NGF: variants seen among roughly 807,000 people sequenced by gnomAD.
NGF encodes beta-nerve growth factor.
In NGF, 4 loss-of-function variants were observed where a neutral mutation model predicts 12.8. That is an observed-to-expected ratio of 0.31 (90% confidence interval 0.15 to 0.72). The LOEUF (loss-of-function observed/expected upper bound fraction) is 0.72. Among genes scored for constraint, NGF ranks in the 30% least tolerant of loss-of-function variants. NGF has a pLI of 0.69. For synonymous variants in NGF, 140 were observed against 130.0 expected (o/e 1.08, Z -0.52); for missense variants, 283 against 330.8 (o/e 0.86, Z 1.12).
intron 2 of NGF, among the ~76,000 whole-genome samples, chr1:115,291,421 G>A (rs1653692456): frequency 6.6e-6 from 1 of 152,188 alleles, no homozygotes; most frequent in Non-Finnish European, 1.5e-5. Flanking sequence ...CTGAACAGAT[G>A]ACAGCTTTCT....
chr1:115,329,449 A>G (rs1432727038), intron 1 of NGF, among the ~76,000 whole-genome samples: 1 of 152,198 alleles, frequency 6.6e-6, no homozygotes, highest in East Asian at 1.9e-4. Context: ...CTTCAGAGCC[A>G]TCCGCTGTTC....
intron 1 of NGF, among the ~76,000 whole-genome samples, chr1:115,296,777 T>A (rs2101028941): frequency 6.6e-6 from 1 of 152,348 alleles, no homozygotes; most frequent in Middle Eastern, 3.4e-3. Flanking sequence ...GTTTTTAGTC[T>A]CATGCTGATG....
intron 2 of NGF, among the ~76,000 whole-genome samples, chr1:115,291,235 A>T (rs2300693): frequency 0.77 from 115,959 of 151,328 alleles, 44,443 homozygotes; most frequent in African/African-American, 0.81. Flanking sequence ...TTTTAAGTTT[A>T]AAAAAAAACT....
At chr1:115,294,407 C>T (rs1365225490) in intron 1 of NGF, among the ~76,000 whole-genome samples, 2 of 152,240 alleles carry the variant, frequency 1.3e-5, no homozygotes, top group Non-Finnish European at 2.9e-5. Flanking sequence ...ATTCTCCTCT[C>T]ACTTCTATAA....
At chr1:115,313,723 A>G (rs6537860) in intron 1 of NGF, among the ~76,000 whole-genome samples, 90,171 of 152,046 alleles carry the variant, frequency 0.59, 28,599 homozygotes, top group Non-Finnish European at 0.73. Context: ...GGAGTTGAGT[A>G]ACATTCTATT....
chr1:115,318,828 T>C (rs1200922375), intron 1 of NGF, among the ~76,000 whole-genome samples: 1 of 152,072 alleles, frequency 6.6e-6, no homozygotes, highest in East Asian at 1.9e-4. Context: ...CAGCTGACAA[T>C]CAGAATGAAT....
intron 1 of NGF, among the ~76,000 whole-genome samples, chr1:115,327,458 G>T (rs1180603118): frequency 6.6e-6 from 1 of 152,172 alleles, no homozygotes; most frequent in Non-Finnish European, 1.5e-5. Flanking sequence ...TCAAGCTTTG[G>T]AGTCTGACCT....
At chr1:115,292,849 C>T (rs935158812) in intron 2 of NGF, among the ~76,000 whole-genome samples, 2 of 151,726 alleles carry the variant, frequency 1.3e-5, no homozygotes, top group African/African-American at 2.4e-5. Context: ...TTCTGGGCAC[C>T]GTGTAGACTT....
intron 1 of NGF, among the ~76,000 whole-genome samples, chr1:115,295,519 C>T (rs767815408): frequency 1.3e-5 from 2 of 152,104 alleles, no homozygotes; most frequent in Non-Finnish European, 2.9e-5. Context: ...GGTCCCATTA[C>T]TCATGGGAAG....
At chr1:115,303,479 T>C (rs571268164) in intron 1 of NGF, among the ~76,000 whole-genome samples, 1 of 151,284 alleles carries the variant, frequency 6.6e-6, no homozygotes, top group Non-Finnish European at 1.5e-5. Context: ...ATCACCATCA[T>C]CACCACTACT....
At chr1:115,297,693 C>T (rs1653913790) in intron 1 of NGF, among the ~76,000 whole-genome samples, 1 of 152,220 alleles carries the variant, frequency 6.6e-6, no homozygotes, top group South Asian at 2.1e-4. Context: ...CACCATCCCC[C>T]TAATCCCTCC....
At chr1:115,322,636 TAAC>T (rs1286210853) in intron 1 of NGF, among the ~76,000 whole-genome samples, 1 of 152,216 alleles carries the variant, frequency 6.6e-6, no homozygotes, top group Non-Finnish European at 1.5e-5. Flanking sequence ...CTGGTTGTGA[TAAC>T]AACAACTCTA....
intron 1 of NGF, among the ~76,000 whole-genome samples, chr1:115,295,421 A>T (rs530548437): frequency 4.6e-5 from 7 of 152,340 alleles, no homozygotes; most frequent in East Asian, 1.9e-4. Context: ...ATTCTGTGAC[A>T]AAGAACATTT....
intron 1 of NGF, among the ~76,000 whole-genome samples, chr1:115,337,324 A>G (rs1655156927): frequency 9.7e-6 from 1 of 102,832 alleles, no homozygotes; most frequent in South Asian, 3.3e-4. Flanking sequence ...GTTTGTAATT[A>G]GAGGGAGCTA....
chr1:115,334,840 T>C (rs1449686797), intron 1 of NGF, among the ~76,000 whole-genome samples: 1 of 152,192 alleles, frequency 6.6e-6, no homozygotes, highest in African/African-American at 2.4e-5. Flanking sequence ...ACAGCTCCAT[T>C]CAGAAACAAT....
chr1:115,296,460 A>G (rs1274836961), intron 1 of NGF, among the ~76,000 whole-genome samples: 1 of 152,188 alleles, frequency 6.6e-6, no homozygotes, highest in Non-Finnish European at 1.5e-5. Flanking sequence ...TGGTTTAAAT[A>G]AAAAATTCCA....
chr1:115,314,206 C>A (rs557907982), intron 1 of NGF, among the ~76,000 whole-genome samples: 1 of 152,210 alleles, frequency 6.6e-6, no homozygotes, highest in African/African-American at 2.4e-5. Context: ...CATGGCGTAC[C>A]CTTCCCCTCC....
chr1:115,317,352 C>G (rs74114044), intron 1 of NGF, among the ~76,000 whole-genome samples: 1 of 152,144 alleles, frequency 6.6e-6, no homozygotes, highest in African/African-American at 2.4e-5. Flanking sequence ...CAGAAGCCCA[C>G]GGTCTAGCTT....
At chr1:115,292,928 C>G (rs1653747993) in intron 2 of NGF, among the ~76,000 whole-genome samples, 1 of 151,684 alleles carries the variant, frequency 6.6e-6, no homozygotes, top group East Asian at 1.9e-4. Context: ...GTACCAGCGC[C>G]TGTGGGGTCA....
Sources: allele counts gnomAD v4.1 joint callset (sites outside exome capture counted in the v4.1 genomes callset), GRCh38; gene constraint gnomAD v4.1.1; transcripts MANE v1.5; gene names NCBI Gene and HGNC (gene_info 2026-07-23, HGNC 2026-07-21).